Variants in LGSN observed in about 807,000 individuals in gnomAD.
LGSN encodes the protein lengsin.
In LGSN, 21 loss-of-function variants were observed where a neutral mutation model predicts 19.5. The observed-to-expected ratio is 1.07, with a 90% CI of 0.76 to 1.55. The LOEUF is 1.55. Ranked by LOEUF, LGSN falls within the 40% of genes most tolerant of loss-of-function variation. The pLI, the probability that LGSN is intolerant of heterozygous loss-of-function variation, is 0.00. For missense variants in LGSN, 673 were observed against 608.5 expected (o/e 1.11, Z -1.12); for synonymous variants, 257 against 215.6 (o/e 1.19, Z -1.68).
the LGSN span, among the ~76,000 whole-genome samples, chr6:63,411,825 T>A: frequency 2.0e-5 from 3 of 151,966 alleles, no homozygotes; most frequent in Non-Finnish European, 4.4e-5. Context: ...CCAGCCTGGG[T>A]GACAGAGTGA....
At chr6:63,483,684 G>A in the LGSN span, among the ~76,000 whole-genome samples, 1 of 152,152 alleles carries the variant, frequency 6.6e-6, no homozygotes, top group Non-Finnish European at 1.5e-5. Flanking sequence ...TGGGTGGCAT[G>A]TCAGCAGGGT....
chr6:63,529,013 TG>T, the LGSN span, among the ~76,000 whole-genome samples: 3 of 144,702 alleles, frequency 2.1e-5, no homozygotes, highest in African/African-American at 7.8e-5. Flanking sequence ...CACTTGAATC[TG>T]GGAGGCAGAG....
At chr6:63,305,137 A>G (rs530517677) in intron 1 of LGSN, among the ~76,000 whole-genome samples, 3 of 152,292 alleles carry the variant, frequency 2.0e-5, no homozygotes, top group South Asian at 2.1e-4. Flanking sequence ...ATTCCAAAAC[A>G]GTACAGTTTT....
chr6:63,371,391 G>A, the LGSN span, among the ~76,000 whole-genome samples: 4 of 152,152 alleles, frequency 2.6e-5, no homozygotes, highest in South Asian at 4.1e-4. Context: ...CACTGAAAAC[G>A]GCATTTCCTC....
the LGSN span, among the ~76,000 whole-genome samples, chr6:63,348,872 T>G: frequency 6.6e-6 from 1 of 151,628 alleles, no homozygotes; most frequent in African/African-American, 2.4e-5. Context: ...ATTACAGGCA[T>G]GAGCCACCAC....
chr6:63,556,821 A>AT, the LGSN span, among the ~76,000 whole-genome samples: 1 of 152,242 alleles, frequency 6.6e-6, no homozygotes, highest in Admixed American at 6.5e-5. Context: ...ATGCCCAAAT[A>AT]TAACAAGCAG....
At chr6:63,386,277 A>G in the LGSN span, among the ~76,000 whole-genome samples, 10 of 152,218 alleles carry the variant, frequency 6.6e-5, no homozygotes, top group Admixed American at 2.0e-4. Context: ...ATTCAGTGGG[A>G]TAAGACATGC....
the LGSN span, among the ~76,000 whole-genome samples, chr6:63,524,863 A>AT: frequency 6.6e-6 from 1 of 152,250 alleles, no homozygotes; most frequent in Non-Finnish European, 1.5e-5. Flanking sequence ...GAGATGTGGC[A>AT]TACCACAATG....
chr6:63,464,161 G>A, the LGSN span, among the ~76,000 whole-genome samples: 1 of 151,434 alleles, frequency 6.6e-6, no homozygotes, highest in Non-Finnish European at 1.5e-5. Flanking sequence ...AAAAAAATAA[G>A]TTTAAAGAAA....
At chr6:63,358,292 C>T in the LGSN span, among the ~76,000 whole-genome samples, 3 of 152,140 alleles carry the variant, frequency 2.0e-5, no homozygotes, top group Non-Finnish European at 2.9e-5. Context: ...GTTCTTTTGG[C>T]TTAGGATTGT....
At chr6:63,414,789 C>A in the LGSN span, among the ~76,000 whole-genome samples, 1 of 152,106 alleles carries the variant, frequency 6.6e-6, no homozygotes, top group Non-Finnish European at 1.5e-5. Flanking sequence ...GTGGTGTGGG[C>A]CTGTAGTCCC....
At chr6:63,289,633 A>T (rs567335046) in intron 2 of LGSN, among the ~76,000 whole-genome samples, 196 of 152,270 alleles carry the variant, frequency 1.3e-3, no homozygotes, top group Non-Finnish European at 2.5e-3. Context: ...TATTAAAAAA[A>T]AAAAACCTTA....
chr6:63,464,289 G>A, the LGSN span, among the ~76,000 whole-genome samples: 1 of 152,134 alleles, frequency 6.6e-6, no homozygotes, highest in African/African-American at 2.4e-5. Context: ...GGGAAGTTGT[G>A]AGAATTAGAT....
the LGSN span, among the ~76,000 whole-genome samples, chr6:63,438,268 CATTACCAT>C: frequency 1.3e-5 from 2 of 152,142 alleles, no homozygotes; most frequent in African/African-American, 4.8e-5. Context: ...AAAATCTAGG[CATTACCAT>C]TCAGGACATA....
chr6:63,320,025 A>C, upstream of LGSN: 1 of 1,026,852 alleles, frequency 9.7e-7, no homozygotes, highest in Non-Finnish European at 1.5e-6. Context: ...GTGTACCTAC[A>C]ACAAAGACTG....
the LGSN span, among the ~76,000 whole-genome samples, chr6:63,454,568 G>A: frequency 2.7e-5 from 4 of 150,642 alleles, no homozygotes; most frequent in South Asian, 8.4e-4. Context: ...CGCCTCCCGG[G>A]TTCAAGCAGT....
the LGSN span, among the ~76,000 whole-genome samples, chr6:63,423,717 A>G: frequency 6.6e-6 from 1 of 152,026 alleles, no homozygotes; most frequent in African/African-American, 2.4e-5. Context: ...ATCAAACAAC[A>G]AAGTGGCAAA....
At chr6:63,379,835 T>C in the LGSN span, among the ~76,000 whole-genome samples, 1 of 151,594 alleles carries the variant, frequency 6.6e-6, no homozygotes, top group Non-Finnish European at 1.5e-5. Flanking sequence ...ATCTGCCATA[T>C]AATTTTTTTC....
chr6:63,336,545 G>A, the LGSN span, among the ~76,000 whole-genome samples: 72 of 138,882 alleles, frequency 5.2e-4, 1 homozygote, highest in African/African-American at 2.0e-3. Flanking sequence ...GTGTGTGTGT[G>A]TGTGTGTGTG....
Sources: allele counts gnomAD v4.1 joint callset (sites outside exome capture counted in the v4.1 genomes callset), GRCh38; gene constraint gnomAD v4.1.1; transcripts MANE v1.5; gene names NCBI Gene and HGNC (gene_info 2026-07-23, HGNC 2026-07-21).